CDH13: variants seen among roughly 807,000 people sequenced by gnomAD.
CDH13 encodes the protein cadherin-13.
Under a neutral mutation model 63.8 loss-of-function variants are expected in CDH13, and 24 were observed. The observed-to-expected ratio is 0.38, with a 90% CI of 0.27 to 0.53. The LOEUF is 0.53. Among genes scored for constraint, CDH13 ranks in the 20% least tolerant of loss-of-function variants. The probability of loss-of-function intolerance (pLI) is 0.85; values close to 1 mark genes in which losing one functional copy is unlikely to be tolerated. For synonymous variants in CDH13, 503 were observed against 355.3 expected (o/e 1.42, Z -4.67); for missense variants, 1,049 against 903.1 (o/e 1.16, Z -2.07).
chr16:82,684,681 A>G (rs1033004360), intron 1 of CDH13, among the ~76,000 whole-genome samples: 1 of 152,148 alleles, frequency 6.6e-6, no homozygotes, highest in East Asian at 1.9e-4. Flanking sequence ...AACTGTTTAC[A>G]ATTGCTTTTG....
intron 1 of CDH13, among the ~76,000 whole-genome samples, chr16:82,684,015 C>T (rs556433321): frequency 1.3e-5 from 2 of 152,294 alleles, no homozygotes; most frequent in Admixed American, 6.5e-5. Flanking sequence ...AGTGCCTTTT[C>T]GCCTGTCTAC....
chr16:83,118,256 G>A (rs535507593), intron 3 of CDH13, among the ~76,000 whole-genome samples: 2 of 152,260 alleles, frequency 1.3e-5, no homozygotes, highest in South Asian at 4.1e-4. Context: ...CTGTTCCTGT[G>A]ACTGAGGGGA....
intron 5 of CDH13, among the ~76,000 whole-genome samples, chr16:83,299,972 G>A (rs1015375363): frequency 6.6e-6 from 1 of 152,282 alleles, no homozygotes; most frequent in East Asian, 1.9e-4. Context: ...TCACTTGATT[G>A]TTAACAGAAT....
At chr16:82,912,520 T>C (rs1447040885) in intron 2 of CDH13, among the ~76,000 whole-genome samples, 1 of 152,186 alleles carries the variant, frequency 6.6e-6, no homozygotes, top group Non-Finnish European at 1.5e-5. Flanking sequence ...TTAAAGTAAA[T>C]GAGTGATGAC....
chr16:82,665,591 C>G (rs148282348), intron 1 of CDH13, among the ~76,000 whole-genome samples: 157 of 152,164 alleles, frequency 1.0e-3, no homozygotes, highest in African/African-American at 3.5e-3. Context: ...TCCTGATAAA[C>G]CATCCTACAT....
chr16:83,228,673 C>T (rs1189627373), intron 5 of CDH13, among the ~76,000 whole-genome samples: 2 of 152,156 alleles, frequency 1.3e-5, no homozygotes, highest in Non-Finnish European at 2.9e-5. Context: ...TTTAATGGCA[C>T]CTCCAGCGGA....
At chr16:83,031,260 A>T (rs866790868) in intron 2 of CDH13, among the ~76,000 whole-genome samples, 2 of 145,384 alleles carry the variant, frequency 1.4e-5, no homozygotes, top group East Asian at 4.2e-4. Flanking sequence ...TGTATACACC[A>T]TATACATGCG....
At chr16:83,731,720 T>A (rs555004471) in intron 10 of CDH13, among the ~76,000 whole-genome samples, 27 of 152,328 alleles carry the variant, frequency 1.8e-4, no homozygotes, top group African/African-American at 6.0e-4. Flanking sequence ...GAATGCTATT[T>A]CCTAGGTTTT....
rs138163929 is a variant in CDH13 at position 83,588,904 on chromosome 16, G to A, written c.961-13550G>A. On this transcript the variant is annotated intron_variant, in intron 7 of 13. Coordinates refer to ENST00000567109, the MANE Select transcript of CDH13 (RefSeq NM_001257.5). Reference sequence around the variant, plus strand: ...ACGTGGAGCCAGGAGGCTGCTGGGCGTCTCAGTGTTCCAGGAAACTCAGCG... The same window carrying A: ...ACGTGGAGCCAGGAGGCTGCTGGGCATCTCAGTGTTCCAGGAAACTCAGCG... Among the ~76,000 whole-genome samples, 359 of 152,324 alleles carry A rather than the reference G, an allele frequency of 2.4e-3. 1 individual carries two copies. Among genetic ancestry groups the A allele is most frequent in the African/African-American group, 7.6e-3 (314 of 41,578 alleles).
intron 4 of CDH13, among the ~76,000 whole-genome samples, chr16:83,191,614 C>G (rs1421600424): frequency 6.7e-6 from 1 of 149,044 alleles, no homozygotes; most frequent in Non-Finnish European, 1.5e-5. Context: ...CACATGATCA[C>G]AAGGTCCCAC....
intron 5 of CDH13, among the ~76,000 whole-genome samples, chr16:83,293,623 C>T (rs1320489053): frequency 2.6e-5 from 4 of 152,106 alleles, no homozygotes; most frequent in African/African-American, 4.8e-5. Context: ...CAGATATATA[C>T]ATAAACCAGA....
At chr16:82,929,908 C>T (rs962420946) in intron 2 of CDH13, among the ~76,000 whole-genome samples, 2 of 151,894 alleles carry the variant, frequency 1.3e-5, no homozygotes, top group East Asian at 1.9e-4. Context: ...TTTCACAAAC[C>T]AAACACATAC....
chr16:82,818,258 C>G (rs1027009235), intron 1 of CDH13, among the ~76,000 whole-genome samples: 13 of 152,080 alleles, frequency 8.5e-5, no homozygotes, highest in African/African-American at 3.1e-4. Flanking sequence ...ATTTGAGTCT[C>G]TAAAACTTGA....
intron 2 of CDH13, among the ~76,000 whole-genome samples, chr16:82,977,340 T>A (rs750878442): frequency 6.6e-6 from 1 of 152,126 alleles, no homozygotes; most frequent in Non-Finnish European, 1.5e-5. Context: ...CATTTTACCA[T>A]CAGCATTAAG....
Position 82,627,108 on chromosome 16 carries a change from C to A in CDH13, c.16C>A (p.Pro6Thr). 1 of 1,605,984 alleles carries A rather than the reference C, an allele frequency of 6.2e-7. No homozygotes were observed. The highest frequency in any genetic ancestry group is 2.2e-5 in the East Asian group (1 of 44,600). Residue 6 changes from proline (P) to threonine (T), a missense_variant, in exon 1 of 14, where the codon CCG (proline) becomes ACG (threonine). By Grantham distance (38) the Pro-to-Thr change is conservative (BLOSUM62 -1). Coordinates refer to ENST00000567109, the MANE Select transcript of CDH13 (RefSeq NM_001257.5). MQPRT[P>T]LVLCVLLSQV... ...GTCGGACAAAATGCAGCCGAGAACT[C>A]CGCTCGTTCTGTGCGTTCTCCTGTC...
chr16:83,654,020 G>T (rs1348485575), intron 8 of CDH13, among the ~76,000 whole-genome samples: 1 of 152,074 alleles, frequency 6.6e-6, no homozygotes, highest in African/African-American at 2.4e-5. Context: ...GACAGGGAAT[G>T]AACAAATGGG....
intron 5 of CDH13, among the ~76,000 whole-genome samples, chr16:83,305,937 A>G (rs1198006689): frequency 1.3e-5 from 2 of 152,204 alleles, no homozygotes; most frequent in Non-Finnish European, 1.5e-5. Context: ...GGTGTGAACA[A>G]TACAGTGATC....
rs1448476144 is a variant in CDH13, at chr16:83,116,337, C to A, written c.367-9048C>A. ...CAGGGGGATGGGGCGGGGAAGGAGG[C>A]TGATGGAGGAGTTGCTGACTGCAGG... On this transcript the variant is annotated intron_variant, in intron 3 of 13. Transcript: ENST00000567109. 4.6e-5 allele frequency among the ~76,000 whole-genome samples: 7 copies of A among 152,244 alleles called. No homozygotes were observed. In the East Asian group the frequency reaches 1.2e-3, roughly 25 times the overall value.
intron 1 of CDH13, among the ~76,000 whole-genome samples, chr16:82,757,891 C>T (rs559601168): frequency 1.7e-4 from 26 of 152,156 alleles, no homozygotes; most frequent in Non-Finnish European, 2.6e-4. Context: ...CCTCGTGATC[C>T]GCCCGCCTCG....
Sources: gnomAD v4.1 joint callset for allele counts (sites outside exome capture counted in the v4.1 genomes callset) on GRCh38, gnomAD v4.1.1 for gene constraint, MANE v1.5 for transcripts, NCBI Gene and HGNC (gene_info 2026-07-23, HGNC 2026-07-21) for gene names.